The following PHACTR3 variants were observed in gnomAD, a reference collection of about 807,000 sequenced individuals.
PHACTR3 encodes the protein protein phosphatase 1, regulatory subunit 123.
A neutral mutation model predicts 66.8 loss-of-function variants in PHACTR3; 16 were observed. That is an observed-to-expected ratio of 0.24 (90% CI 0.16 to 0.36). The LOEUF (loss-of-function observed/expected upper bound fraction) is 0.36, where lower values mean the gene tolerates loss of function less well. Ranked by LOEUF, PHACTR3 falls within the 10% of genes least tolerant of loss-of-function variation. The probability of loss-of-function intolerance (pLI) is 1.00; values close to 1 mark genes in which losing one functional copy is unlikely to be tolerated. For missense variants in PHACTR3, 647 were observed against 719.9 expected, an observed-to-expected ratio of 0.90 and a Z score of 1.16; for synonymous variants, 323 against 292.1, an observed-to-expected ratio of 1.11 and a Z score of -1.08.
intron 1 of PHACTR3, among the ~76,000 whole-genome samples, chr20:59,621,110 G>T (rs1204365158): frequency 6.6e-6 from 1 of 152,224 alleles, no homozygotes; most frequent in Non-Finnish European, 1.5e-5. Context: ...CTTTCTGGCA[G>T]CATAAGACGC....
chr20:59,820,934 G>A lies in PHACTR3; in HGVS notation c.1328+14740G>A, dbSNP rs970029843. On this transcript the variant is annotated intron_variant, in intron 8 of 12. Coordinates refer to ENST00000371015, the MANE Select transcript of PHACTR3 (RefSeq NM_080672.5). The surrounding 1 kb of genome is among the most constrained non-coding windows in gnomAD (Gnocchi z 4.6). ...GCCTTGAAATGGGTGTGTGATGTCTGCCTGCTCAGATGCTTGCAGGGACTA... is the reference window on the plus strand; with the variant it reads ...GCCTTGAAATGGGTGTGTGATGTCTACCTGCTCAGATGCTTGCAGGGACTA... Among the ~76,000 whole-genome samples the A allele has an allele frequency of 6.6e-6, 1 of 152,130 alleles. No individual in the cohort carries two copies. The highest frequency in any genetic ancestry group is 2.4e-5 in the African/African-American group (1 of 41,442).
At chr20:59,644,082 A>T (rs1470270119) in intron 1 of PHACTR3, among the ~76,000 whole-genome samples, 1 of 152,120 alleles carries the variant, frequency 6.6e-6, no homozygotes, top group Non-Finnish European at 1.5e-5. Flanking sequence ...ACACTGAGAA[A>T]CTGCTAAAGG....
chr20:59,697,198 G>A (rs2037329381), intron 1 of PHACTR3, among the ~76,000 whole-genome samples: 1 of 152,140 alleles, frequency 6.6e-6, no homozygotes, highest in Non-Finnish European at 1.5e-5. Context: ...GTTTGACCAG[G>A]AGCCCAGCAG....
intron 1 of PHACTR3, among the ~76,000 whole-genome samples, chr20:59,650,762 G>C (rs1480511329): frequency 9.2e-6 from 1 of 108,338 alleles, no homozygotes; most frequent in Admixed American, 9.0e-5. Context: ...AAAAAAAAAA[G>C]TCTCAGGGGT....
rs185375467 is a variant in PHACTR3, at chr20:59,834,003, T to C, written c.1329-2502T>C. ...TGCCAGTGGGTTGTCTGTGATTAGC[T>C]GGCTCTCAGAACAATTCTTCTCCCC... On this transcript the variant is annotated intron_variant, in intron 8 of 12. Transcript: ENST00000371015. Among the ~76,000 whole-genome samples the C allele has an allele frequency of 2.5e-4, 38 of 152,284 alleles. No individual in the cohort carries two copies. In the East Asian group the frequency reaches 6.8e-3, roughly 27 times the overall value.
chr20:59,622,502 G>A (rs1455309698), intron 1 of PHACTR3, among the ~76,000 whole-genome samples: 1 of 152,202 alleles, frequency 6.6e-6, no homozygotes, highest in Non-Finnish European at 1.5e-5. Flanking sequence ...TCAGTTAGTA[G>A]AATAGAAAGT....
chr20:59,606,894 G>A (rs1315369081), intron 1 of PHACTR3, among the ~76,000 whole-genome samples: 1 of 152,156 alleles, frequency 6.6e-6, no homozygotes, highest in Non-Finnish European at 1.5e-5. Flanking sequence ...GGTGTCAGAG[G>A]TGAAAAGTCT....
At chr20:59,690,665 T>A (rs1465828211) in intron 1 of PHACTR3, among the ~76,000 whole-genome samples, 1 of 152,128 alleles carries the variant, frequency 6.6e-6, no homozygotes, top group East Asian at 1.9e-4. Context: ...TGCTAGTAAA[T>A]CCTCCTTCCT....
intron 1 of PHACTR3, chr20:59,577,699 TC>T: frequency 1.0e-6 from 1 of 956,424 alleles, no homozygotes; most frequent in Non-Finnish European, 1.3e-6. Context: ...GGACGACTCC[TC>T]CTGAATCCCT....
At chr20:59,708,516 G>A (rs2037799472) in intron 1 of PHACTR3, among the ~76,000 whole-genome samples, 1 of 152,106 alleles carries the variant, frequency 6.6e-6, no homozygotes, top group South Asian at 2.1e-4. Flanking sequence ...TGCAGGCCTG[G>A]GTTCTACAGG....
At chr20:59,808,401 G>A (rs957688715) in intron 8 of PHACTR3, among the ~76,000 whole-genome samples, 2 of 152,226 alleles carry the variant, frequency 1.3e-5, no homozygotes, top group African/African-American at 4.8e-5. Context: ...GGTAGGAGAG[G>A]AAATTCTGAT....
At chr20:59,638,019 C>T (rs1568950912) in intron 1 of PHACTR3, among the ~76,000 whole-genome samples, 3 of 152,150 alleles carry the variant, frequency 2.0e-5, no homozygotes, top group Non-Finnish European at 4.4e-5. Context: ...ACTACATGGC[C>T]AGGGTCTGAA....
At chr20:59,679,841 G>T (rs2036579957) in intron 1 of PHACTR3, among the ~76,000 whole-genome samples, 1 of 152,096 alleles carries the variant, frequency 6.6e-6, no homozygotes, top group African/African-American at 2.4e-5. Context: ...GGGGGAGACT[G>T]CCCCCATGAT....
intron 1 of PHACTR3, among the ~76,000 whole-genome samples, chr20:59,700,603 G>A (rs2037466541): frequency 6.6e-6 from 1 of 152,094 alleles, no homozygotes; most frequent in Non-Finnish European, 1.5e-5. Context: ...TTTGGTTTAG[G>A]TTCAAGCCAT....
At chr20:59,608,679 C>G (rs1294814763) in intron 1 of PHACTR3, among the ~76,000 whole-genome samples, 1 of 152,188 alleles carries the variant, frequency 6.6e-6, no homozygotes, top group African/African-American at 2.4e-5. Flanking sequence ...CCTTGGCTGT[C>G]GCTGCCTTGC....
rs139638087 is a variant in PHACTR3 at position 59,773,375 on chromosome 20, C to A, written c.848C>A (p.Thr283Lys). The A allele has an allele frequency of 7.5e-5, 121 of 1,614,178 alleles. No individual in the cohort carries two copies. The highest frequency in any genetic ancestry group is 1.0e-4 in the Non-Finnish European group (119 of 1,180,048). The change falls in exon 6 of 13, where the codon ACG becomes AAG. Residue 283 changes from threonine (T) to lysine (K), a missense_variant. Coordinates refer to ENST00000371015, the MANE Select transcript of PHACTR3 (RefSeq NM_080672.5). ...STPTGSPHLT[T>K]VHRPLPPSRV... ...CCCACGGGGTCTCCGCATCTCACCA[C>A]GGTCCACCGGCCTCTTCCCCCAAGC... is the stretch of plus-strand genomic sequence containing the variant.
intron 7 of PHACTR3, among the ~76,000 whole-genome samples, chr20:59,780,422 C>T (rs547612380): frequency 7.2e-5 from 11 of 152,308 alleles, no homozygotes; most frequent in Admixed American, 2.0e-4. Context: ...GGTTCTGACA[C>T]GTGGGGTTTG....
At chr20:59,767,609 A>G (rs1321967318) in intron 5 of PHACTR3, among the ~76,000 whole-genome samples, 1 of 152,088 alleles carries the variant, frequency 6.6e-6, no homozygotes, top group Non-Finnish European at 1.5e-5. Context: ...GGCCCAGAGG[A>G]GTAGATCTTA....
At chr20:59,740,418 C>T (rs958016261) in intron 1 of PHACTR3, among the ~76,000 whole-genome samples, 9 of 152,110 alleles carry the variant, frequency 5.9e-5, no homozygotes, top group Non-Finnish European at 1.3e-4. Flanking sequence ...AAGTGATCCT[C>T]CTGTCTCCGA....
Sources: gnomAD v4.1 joint callset for allele counts (sites outside exome capture counted in the v4.1 genomes callset) on GRCh38, gnomAD v4.1.1 for gene constraint, Gnocchi (gnomAD v3.1) non-coding constraint, MANE v1.5 for transcripts, NCBI Gene and HGNC (gene_info 2026-07-23, HGNC 2026-07-21) for gene names.